NPM1: variants seen among roughly 807,000 people sequenced by gnomAD.
NPM1 encodes nucleophosmin 1, also known as nucleophosmin.
Under a neutral mutation model 44.1 loss-of-function variants are expected in NPM1, and 1 was observed. The observed-to-expected ratio is 0.02, with a 90% CI of 0.01 to 0.11. NPM1 has a LOEUF of 0.11. NPM1 is among the 10% of genes least tolerant of loss of function. NPM1 has a pLI of 1.00. For synonymous variants in NPM1, 126 were observed against 111.8 expected, an observed-to-expected ratio of 1.13 and a Z score of -0.80; for missense variants, 197 against 347.8, an observed-to-expected ratio of 0.57 and a Z score of 3.45.
At chr5:171,406,602 C>T (rs528965239) in intron 9 of NPM1, 1 of 1,390,534 alleles carries the variant, frequency 7.2e-7, no homozygotes, top group African/African-American at 1.4e-5. Flanking sequence ...GCACTTTCTT[C>T]TGACTGCTGT....
In NPM1 at chr5:171,388,121, G is replaced by T. The variant is rs2071276; in HGVS notation, c.58+115G>T. The T allele has an allele frequency of 0.38, 352,958 of 924,284 alleles. 71,943 individuals carry two copies. Among genetic ancestry groups the T allele is most frequent in the East Asian group, 0.55 (20,509 of 37,538 alleles). 57.3% of individuals were successfully genotyped at this position (924,284 alleles called of 1,614,324 possible). A position where few individuals can be genotyped will look rare whatever the true frequency, so the allele number is the denominator to read the frequency against. ...GTCTGGTGGAGACCGCCAGACCGAC[G>T]GGAGGCCTGAGCGGGTGGGAAGAGC... On this transcript the variant is annotated intron_variant, in intron 1 of 10. Transcript: ENST00000296930.
intron 9 of NPM1, among the ~76,000 whole-genome samples, chr5:171,406,158 C>T (rs773604478): frequency 6.6e-6 from 1 of 152,114 alleles, no homozygotes; most frequent in Non-Finnish European, 1.5e-5. Flanking sequence ...CTCATTTCCC[C>T]ATGTTTTTCT....
intron 2 of NPM1, 39 bp downstream of exon 2, chr5:171,390,169 G>A (rs1240123709): frequency 8.5e-7 from 1 of 1,178,886 alleles, no homozygotes; most frequent in Admixed American, 2.6e-5. Flanking sequence ...AACCCTACTT[G>A]ATTTCAGCCT....
intron 6 of NPM1, among the ~76,000 whole-genome samples, chr5:171,399,926 C>T (rs760775182): frequency 2.4e-4 from 37 of 152,270 alleles, no homozygotes; most frequent in Non-Finnish European, 4.7e-4. Flanking sequence ...GCTTATTTCA[C>T]TTTGTTCAAG....
At chr5:171,388,830 G>A (rs1025196807) in intron 1 of NPM1, among the ~76,000 whole-genome samples, 5 of 152,190 alleles carry the variant, frequency 3.3e-5, no homozygotes, top group Non-Finnish European at 7.3e-5. Flanking sequence ...TGCAGATGAG[G>A]ATACTGGTGC....
At chr5:171,408,045 T>A (rs528866584) in intron 10 of NPM1, among the ~76,000 whole-genome samples, 2 of 152,334 alleles carry the variant, frequency 1.3e-5, no homozygotes, top group African/African-American at 4.8e-5. Flanking sequence ...TTTTACTTTT[T>A]TGGTACTATG....
upstream of NPM1, chr5:171,387,521 T>TCGG: frequency 5.3e-5 from 11 of 209,492 alleles, no homozygotes; most frequent in South Asian, 5.2e-4. Flanking sequence ...GCGCAGACTC[T>TCGG]TGGCGGGAGG....
chr5:171,391,286 A>ATTTTTTT lies in NPM1; in HGVS notation c.139-15_139-9dup. Reference sequence around the variant, plus strand: ...GGTGGAACTCAAAAGTTGAAGTAGTATTTTTTTTTTGTTCACAGGTCAGTT... The same window carrying ATTTTTTT: ...GGTGGAACTCAAAAGTTGAAGTAGTATTTTTTTTTTTTTTTTTGTTCACAGGTCAGTT... On this transcript the variant is annotated intron_variant, in intron 2 of 10. Transcript: ENST00000296930. The ATTTTTTT allele has an allele frequency of 4.3e-6, 6 of 1,400,000 alleles. No homozygotes were observed. The highest frequency in any genetic ancestry group is 2.7e-5 in the South Asian group (2 of 75,258). The allele number at this position is 1,400,000 out of a possible 1,614,324, so 86.7% of individuals were successfully genotyped here. A position where few individuals can be genotyped will look rare whatever the true frequency, so the allele number is the denominator to read the frequency against.
chr5:171,396,039 G>A (rs1273542370), intron 6 of NPM1, among the ~76,000 whole-genome samples: 5 of 151,408 alleles, frequency 3.3e-5, no homozygotes, highest in Non-Finnish European at 5.9e-5. Context: ...GAGTGCAGTG[G>A]TGCAATCATG....
chr5:171,387,954 A>T lies in NPM1; in HGVS notation c.6A>T (p.Glu2Asp). 6.2e-7 allele frequency: 1 copy of T among 1,610,758 alleles called. No individual in the cohort carries two copies. Among genetic ancestry groups the T allele is most frequent in the Non-Finnish European group, 8.5e-7 (1 of 1,178,840 alleles). ...TAAGTGCGTGCCGCCACCCGATGGA[A>T]GATTCGATGGACATGGACATGAGCC... M[E>D]DSMDMDMSPL... Residue 2 changes from glutamate to aspartate, a missense_variant, in exon 1 of 11, where the codon GAA (glutamate) becomes GAT (aspartate). Glu to Asp is a conservative substitution (Grantham distance 45). Transcript: ENST00000296930.
chr5:171,402,386 A>T (rs1264978498), intron 8 of NPM1, among the ~76,000 whole-genome samples: 2 of 151,662 alleles, frequency 1.3e-5, no homozygotes, highest in Non-Finnish European at 2.9e-5. Context: ...AAAAAAGGGA[A>T]TGCTTACACA....
At chr5:171,389,825 A>G (rs912399567) in intron 1 of NPM1, among the ~76,000 whole-genome samples, 1 of 152,196 alleles carries the variant, frequency 6.6e-6, no homozygotes, top group African/African-American at 2.4e-5. Context: ...CAGCGTAGTT[A>G]GAGATGAAAT....
At chr5:171,388,501 C>T (rs942285695) in intron 1 of NPM1, among the ~76,000 whole-genome samples, 3 of 151,940 alleles carry the variant, frequency 2.0e-5, no homozygotes, top group East Asian at 1.9e-4. Context: ...CGTAGACTTA[C>T]CTCGCGTGCT....
chr5:171,394,041 C>CTTTTTTTTTTTTTTTT (rs144186175), intron 6 of NPM1, among the ~76,000 whole-genome samples: 2 of 97,078 alleles, frequency 2.1e-5, no homozygotes, highest in Non-Finnish European at 4.1e-5. Context: ...TTTTTGTTTT[C>CTTTTTTTTTTTTTTTT]TTTTTTTTTT....
intron 6 of NPM1, among the ~76,000 whole-genome samples, chr5:171,393,456 A>G (rs1217839998): frequency 1.3e-5 from 2 of 152,230 alleles, no homozygotes; most frequent in Non-Finnish European, 2.9e-5. Flanking sequence ...ATAAGATTCT[A>G]AAAGGGATAT....
intron 4 of NPM1, among the ~76,000 whole-genome samples, chr5:171,392,251 T>C (rs1770615106): frequency 6.6e-6 from 1 of 152,220 alleles, no homozygotes; most frequent in South Asian, 2.1e-4. Flanking sequence ...TAAAAATTAT[T>C]TTTTAATAAA....
At chr5:171,393,349 A>C (rs955641585) in intron 6 of NPM1, among the ~76,000 whole-genome samples, 1 of 152,204 alleles carries the variant, frequency 6.6e-6, no homozygotes. Context: ...AATATGATTA[A>C]ATAGCTCTAT....
chr5:171,406,385 G>C, intron 9 of NPM1: 2 of 1,611,566 alleles, frequency 1.2e-6, no homozygotes, highest in Middle Eastern at 1.7e-4. Flanking sequence ...TATCTCCTTG[G>C]TTTAATTGCA....
intron 8 of NPM1, among the ~76,000 whole-genome samples, chr5:171,404,577 T>C (rs2113268903): frequency 1.1e-5 from 1 of 92,450 alleles, no homozygotes; most frequent in East Asian, 3.3e-4. Flanking sequence ...CTAGATGTGA[T>C]GGCGGCTGGG....
Sources: gnomAD v4.1 joint callset for allele counts (sites outside exome capture counted in the v4.1 genomes callset) on GRCh38, gnomAD v4.1.1 for gene constraint, MANE v1.5 for transcripts, NCBI Gene and HGNC (gene_info 2026-07-23, HGNC 2026-07-21) for gene names.